KHDRBS2: variants seen among roughly 807,000 people sequenced by gnomAD.
The protein encoded by KHDRBS2 is KH domain-containing, RNA-binding, signal transduction-associated protein 2.
Under a neutral mutation model 44.3 loss-of-function variants are expected in KHDRBS2, and 26 were observed. That is an observed-to-expected ratio of 0.59 (90% CI 0.43 to 0.81). The LOEUF (loss-of-function observed/expected upper bound fraction) is 0.81, where lower values mean the gene tolerates loss of function less well. Ranked by LOEUF, KHDRBS2 falls within the 40% of genes least tolerant of loss-of-function variation. The pLI is 0.00. For synonymous variants in KHDRBS2, 194 were observed against 151.1 expected, an observed-to-expected ratio of 1.28 and a Z score of -2.08; for missense variants, 476 against 433.1, an observed-to-expected ratio of 1.10 and a Z score of -0.88.
intron 2 of KHDRBS2, among the ~76,000 whole-genome samples, chr6:62,063,760 G>C (rs1303032109): frequency 7.8e-6 from 1 of 127,718 alleles, no homozygotes; most frequent in South Asian, 2.9e-4. Context: ...ATTCAACATA[G>C]TGTTGGAAGT....
intron 4 of KHDRBS2, among the ~76,000 whole-genome samples, chr6:61,927,369 A>G (rs1009580975): frequency 6.6e-6 from 1 of 152,158 alleles, no homozygotes; most frequent in Non-Finnish European, 1.5e-5. Context: ...TAAAATCTAA[A>G]TGACAAATTA....
the KHDRBS2 span, among the ~76,000 whole-genome samples, chr6:61,585,998 A>G: frequency 6.6e-6 from 1 of 151,208 alleles, no homozygotes; most frequent in African/African-American, 2.5e-5. Context: ...CCAGACTATG[A>G]AGGGGAAGTT....
chr6:61,894,947 C>T (rs1802664607), intron 5 of KHDRBS2, 114 bp from the exon 6 acceptor site: 2 of 647,712 alleles, frequency 3.1e-6, no homozygotes. Flanking sequence ...ACAAATTTCT[C>T]TCTCTCTCTC....
the KHDRBS2 span, among the ~76,000 whole-genome samples, chr6:61,571,929 A>T: frequency 6.6e-6 from 1 of 152,120 alleles, no homozygotes; most frequent in African/African-American, 2.4e-5. Context: ...ACAAAAAGAA[A>T]CCAAACCCAA....
At chr6:61,663,360 C>T in the KHDRBS2 span, among the ~76,000 whole-genome samples, 3,686 of 147,072 alleles carry the variant, frequency 0.025, 75 homozygotes, top group Middle Eastern at 0.083. Context: ...TGTAACAAAC[C>T]TGCACATTGT....
intron 2 of KHDRBS2, among the ~76,000 whole-genome samples, chr6:62,149,842 C>T (rs1430098129): frequency 2.0e-5 from 3 of 152,244 alleles, no homozygotes; most frequent in East Asian, 3.9e-4. Context: ...ATTTCATCAG[C>T]ATAGGCCTAA....
At chr6:62,105,853 C>A (rs1005145290) in intron 2 of KHDRBS2, among the ~76,000 whole-genome samples, 4 of 152,172 alleles carry the variant, frequency 2.6e-5, no homozygotes, top group Admixed American at 6.5e-5. Flanking sequence ...TTTTCGAGTT[C>A]TTTTAATTGT....
chr6:61,924,025 G>A (rs370773008), intron 4 of KHDRBS2, among the ~76,000 whole-genome samples: 2 of 151,974 alleles, frequency 1.3e-5, no homozygotes, highest in Admixed American at 6.6e-5. Context: ...ATTAGGAGTT[G>A]AAATTACAAA....
At chr6:62,270,447 T>G (rs1839910615) in intron 1 of KHDRBS2, among the ~76,000 whole-genome samples, 1 of 151,560 alleles carries the variant, frequency 6.6e-6, no homozygotes, top group Admixed American at 6.6e-5. Context: ...TTATGCTTCC[T>G]GTGAGGCCTG....
chr6:62,278,986 C>A (rs1484609196), intron 1 of KHDRBS2, among the ~76,000 whole-genome samples: 1 of 152,054 alleles, frequency 6.6e-6, no homozygotes, highest in Non-Finnish European at 1.5e-5. Context: ...CCCAGCTACT[C>A]AGGAGGCTGA....
chr6:62,045,758 C>G (rs1174333459), intron 3 of KHDRBS2, among the ~76,000 whole-genome samples: 1 of 151,604 alleles, frequency 6.6e-6, no homozygotes, highest in Non-Finnish European at 1.5e-5. Context: ...AATCTTCTTT[C>G]CTGTTTATGT....
chr6:61,816,968 G>A (rs757370364), intron 6 of KHDRBS2: 4 of 455,708 alleles, frequency 8.8e-6, no homozygotes, highest in South Asian at 6.2e-5. Context: ...GTGAGATTTT[G>A]CCACCGTATC....
At chr6:62,088,892 C>T (rs1331335482) in intron 2 of KHDRBS2, among the ~76,000 whole-genome samples, 2 of 152,170 alleles carry the variant, frequency 1.3e-5, no homozygotes, top group African/African-American at 4.8e-5. Flanking sequence ...ACTGGTGCTG[C>T]TGCCTTTCTT....
At chr6:62,036,988 T>C (rs1374228844) in intron 3 of KHDRBS2, among the ~76,000 whole-genome samples, 1 of 152,000 alleles carries the variant, frequency 6.6e-6, no homozygotes, top group Non-Finnish European at 1.5e-5. Context: ...ATTCTGAAAC[T>C]AAATGTTGCC....
chr6:61,792,254 G>A (rs578239933), intron 6 of KHDRBS2, among the ~76,000 whole-genome samples: 1 of 150,736 alleles, frequency 6.6e-6, no homozygotes, highest in African/African-American at 2.4e-5. Context: ...ATATGCTGCT[G>A]GTTTTTATAT....
chr6:62,232,922 C>T (rs1833115259), intron 1 of KHDRBS2, among the ~76,000 whole-genome samples: 1 of 152,144 alleles, frequency 6.6e-6, no homozygotes, highest in African/African-American at 2.4e-5. Context: ...ATTCTCCTTG[C>T]TCTGATACCC....
At chr6:62,148,586 T>G (rs1361496304) in intron 2 of KHDRBS2, among the ~76,000 whole-genome samples, 4 of 151,898 alleles carry the variant, frequency 2.6e-5, no homozygotes, top group African/African-American at 9.7e-5. Context: ...ATTTTGTTCC[T>G]AAATAAGATA....
chr6:62,179,798 T>C (rs77877245), intron 1 of KHDRBS2, among the ~76,000 whole-genome samples: 160 of 151,938 alleles, frequency 1.1e-3, no homozygotes, highest in Non-Finnish European at 1.8e-3. Context: ...AGAAATGGAG[T>C]TAAATGAAAT....
At chr6:61,657,745 G>A in the KHDRBS2 span, among the ~76,000 whole-genome samples, 2 of 151,908 alleles carry the variant, frequency 1.3e-5, no homozygotes, top group African/African-American at 4.8e-5. Context: ...AACTTAGAAC[G>A]AGAACTCTCC....
Sources: allele counts gnomAD v4.1 joint callset (sites outside exome capture counted in the v4.1 genomes callset), GRCh38; gene constraint gnomAD v4.1.1; transcripts MANE v1.5; gene names NCBI Gene and HGNC (gene_info 2026-07-23, HGNC 2026-07-21).